The following INO80 variants were observed in gnomAD, a reference collection of about 807,000 sequenced individuals.
INO80 encodes the protein INO80 complex ATPase subunit.
INO80 carries 20 observed loss-of-function variants against 203.4 expected under a neutral mutation model. The observed-to-expected ratio is 0.10, with a 90% CI of 0.07 to 0.14. The LOEUF (loss-of-function observed/expected upper bound fraction) is 0.14, where lower values mean the gene tolerates loss of function less well. INO80 is among the 10% of genes least tolerant of loss of function. The pLI, the probability that INO80 is intolerant of heterozygous loss-of-function variation, is 1.00. For missense variants in INO80, 1,419 were observed against 1,914.4 expected, an observed-to-expected ratio of 0.74 and a Z score of 4.83; for synonymous variants, 726 against 685.2, an observed-to-expected ratio of 1.06 and a Z score of -0.93.
rs372713301 is a variant in INO80 at position 41,085,609 on chromosome 15, T to C, written c.659-26A>G. On this transcript the variant is annotated intron_variant, in intron 6 of 35. Coordinates refer to ENST00000648947, the MANE Select transcript of INO80 (RefSeq NM_017553.3). ...CTGCAAAAGAAACAGATGCAACAGG[T>C]TGCACTTCCACAGGAGATAGTCACA... The C allele has an allele frequency of 5.4e-5, 86 of 1,594,122 alleles. No individual in the cohort carries two copies. The African/African-American group carries it at 9.4e-4, about 17-fold the overall frequency.
intron 25 of INO80, among the ~76,000 whole-genome samples, chr15:41,022,992 T>C (rs1199218870): frequency 3.3e-5 from 5 of 151,702 alleles, no homozygotes; most frequent in East Asian, 1.9e-4. Flanking sequence ...TCCCAGATAG[T>C]TGGGAGGCTG....
chr15:40,989,457 T>C (rs139644487), intron 29 of INO80, among the ~76,000 whole-genome samples: 199 of 152,292 alleles, frequency 1.3e-3, no homozygotes, highest in African/African-American at 4.3e-3. Flanking sequence ...ATCTCATGTG[T>C]TGTCCTTTAT....
At chr15:41,054,069 C>G in intron 18 of INO80, 55 bp from the exon 19 acceptor site, 1 of 1,406,232 alleles carries the variant, frequency 7.1e-7, no homozygotes, top group Admixed American at 1.8e-5. Flanking sequence ...ACAAAAACAA[C>G]AGAAACAAAT....
intron 29 of INO80, among the ~76,000 whole-genome samples, chr15:40,993,777 T>TAAAAAG (rs5812180): frequency 0.98 from 148,730 of 151,402 alleles, 73,101 homozygotes; most frequent in Middle Eastern, 1. Context: ...AATAAATAAA[T>TAAAAAG]AAAAAGAAAA....
intron 27 of INO80, among the ~76,000 whole-genome samples, chr15:41,007,410 T>A (rs574875678): frequency 6.6e-6 from 1 of 152,176 alleles, no homozygotes; most frequent in South Asian, 2.1e-4. Flanking sequence ...CTTGAACTCC[T>A]GACCTCAGGT....
intron 23 of INO80, among the ~76,000 whole-genome samples, 165 bp from the exon 24 acceptor site, chr15:41,045,240 A>G (rs2044735372): frequency 6.6e-6 from 1 of 152,172 alleles, no homozygotes; most frequent in African/African-American, 2.4e-5. Flanking sequence ...ATTATTTCGC[A>G]TTACATGGTT....
intron 5 of INO80, 107 bp downstream of exon 5, chr15:41,091,919 TG>T: frequency 1.2e-6 from 1 of 869,390 alleles, no homozygotes; most frequent in South Asian, 2.2e-5. Flanking sequence ...CCCAAAGTGC[TG>T]GGATTATAGG....
intron 5 of INO80, among the ~76,000 whole-genome samples, chr15:41,091,753 G>A (rs1043733518): frequency 1.4e-5 from 2 of 147,414 alleles, no homozygotes; most frequent in African/African-American, 5.0e-5. Context: ...CTCTGGGTTC[G>A]AGCAATTCTC....
chr15:41,042,009 TTTTTAA>T (rs1395439250), intron 24 of INO80, among the ~76,000 whole-genome samples: 11 of 119,674 alleles, frequency 9.2e-5, no homozygotes, highest in Admixed American at 4.2e-4. Flanking sequence ...TAATTTTTAA[TTTTTAA>T]TTTTTTTTTT....
At chr15:40,983,656 AAG>A in intron 34 of INO80, 104 bp downstream of exon 34, 1 of 953,326 alleles carries the variant, frequency 1.0e-6, no homozygotes, top group South Asian at 1.9e-5. Flanking sequence ...AAGCTATTGA[AAG>A]AATAAAAATA....
intron 24 of INO80, among the ~76,000 whole-genome samples, chr15:41,032,925 C>T (rs1003809347): frequency 3.3e-5 from 5 of 152,118 alleles, no homozygotes; most frequent in African/African-American, 1.2e-4. Flanking sequence ...ATAGTCCCAG[C>T]TACTCAGGAG....
intron 26 of INO80, chr15:41,017,145 A>T (rs1160384892): frequency 1.3e-5 from 2 of 152,314 alleles, no homozygotes; most frequent in Non-Finnish European, 2.9e-5. Context: ...AGCTCCTCTC[A>T]CTCACTAACT....
intron 1 of INO80, 55 bp downstream of exon 1, chr15:41,115,918 A>G: frequency 2.6e-6 from 1 of 382,916 alleles, no homozygotes; most frequent in Non-Finnish European, 4.6e-6. Context: ...AGAGGGGCGC[A>G]ACAAGACCTA....
intron 24 of INO80, among the ~76,000 whole-genome samples, chr15:41,033,132 G>A (rs1170576098): frequency 6.6e-6 from 1 of 152,112 alleles, no homozygotes; most frequent in East Asian, 1.9e-4. Context: ...ACAGACAGGA[G>A]ACAGAATCAA....
chr15:41,063,548 CG>C (rs1198843508), intron 14 of INO80, among the ~76,000 whole-genome samples: 1 of 151,984 alleles, frequency 6.6e-6, no homozygotes, highest in Non-Finnish European at 1.5e-5. Context: ...CTGAGGCAGG[CG>C]GATCACTTGA....
intron 1 of INO80, among the ~76,000 whole-genome samples, chr15:41,105,616 G>T (rs1010396835): frequency 6.6e-6 from 1 of 152,116 alleles, no homozygotes; most frequent in African/African-American, 2.4e-5. Flanking sequence ...AGGCTCCTAC[G>T]ACATAAAACT....
At chr15:41,080,530 C>T (rs2045470182) in intron 8 of INO80, among the ~76,000 whole-genome samples, 1 of 152,092 alleles carries the variant, frequency 6.6e-6, no homozygotes, top group Admixed American at 6.6e-5. Flanking sequence ...GGTTCAAATA[C>T]CAGAAATGTG....
intron 16 of INO80, among the ~76,000 whole-genome samples, chr15:41,057,660 G>T (rs2045013307): frequency 6.6e-6 from 1 of 151,540 alleles, no homozygotes. Flanking sequence ...AGCCGGACAT[G>T]GTGGTGAGCA....
At position 41,092,120 on chromosome 15, in the gene INO80, T is replaced by C; in HGVS notation, c.444A>G (p.Glu148=). 1 of 1,612,346 alleles carries C rather than the reference T, an allele frequency of 6.2e-7. No individual in the cohort carries two copies. Among genetic ancestry groups the C allele is most frequent in the Non-Finnish European group, 8.5e-7 (1 of 1,178,510 alleles). Residue 148 remains glutamate (E), a synonymous_variant, in exon 5 of 36, where the codon GAA becomes GAG. Transcript: ENST00000648947. ...GTTCTTCTCTGCTGAGATTGAGTTC[T>C]TCTTCATCATCGTCTTCACTCTGAG... ...ADSQSEDDDE[E]ELNLSREELH...
Sources: gnomAD v4.1 joint callset for allele counts (sites outside exome capture counted in the v4.1 genomes callset) on GRCh38, gnomAD v4.1.1 for gene constraint, MANE v1.5 for transcripts, NCBI Gene and HGNC (gene_info 2026-07-23, HGNC 2026-07-21) for gene names.